EPHA6: variants seen among roughly 807,000 people sequenced by gnomAD.
EPHA6 encodes ephrin type-A receptor 6.
In EPHA6, 50 loss-of-function variants were observed where a neutral mutation model predicts 112.0. The observed-to-expected ratio is 0.45, with a 90% CI of 0.36 to 0.56. The LOEUF is 0.56. EPHA6 is among the 20% of genes least tolerant of loss of function. The pLI, the probability that EPHA6 is intolerant of heterozygous loss-of-function variation, is 0.00. For synonymous variants in EPHA6, 529 were observed against 490.7 expected (o/e 1.08, Z -1.03); for missense variants, 1,280 against 1,417.4 (o/e 0.90, Z 1.56).
intron 2 of EPHA6, among the ~76,000 whole-genome samples, chr3:96,929,170 T>C (rs1267770347): frequency 2.0e-5 from 3 of 152,144 alleles, no homozygotes; most frequent in Non-Finnish European, 2.9e-5. Flanking sequence ...GTGGTTAGAG[T>C]TTAGGGCACC....
In EPHA6 at chr3:97,748,757, C is replaced by G. The variant is rs1448200445; in HGVS notation, c.*56C>G. ...CAGCATTTCTAAAATGAACGATATCCTCTCTACTACTCTCTCTTCTGATTC... is the reference window on the plus strand; with the variant it reads ...CAGCATTTCTAAAATGAACGATATCGTCTCTACTACTCTCTCTTCTGATTC... On this transcript the variant is annotated 3_prime_UTR_variant, in exon 18 of 18. Transcript: ENST00000389672. The G allele has an allele frequency of 2.3e-5, 19 of 842,638 alleles. No homozygotes were observed. Among genetic ancestry groups the G allele is most frequent in the Non-Finnish European group, 3.8e-5 (19 of 496,068 alleles). 52.2% of individuals were successfully genotyped at this position (842,638 alleles called of 1,614,324 possible). A position where few individuals can be genotyped will look rare whatever the true frequency, so the allele number is the denominator to read the frequency against.
chr3:97,065,499 G>C (rs2046149511), intron 3 of EPHA6, among the ~76,000 whole-genome samples: 1 of 151,330 alleles, frequency 6.6e-6, no homozygotes, highest in South Asian at 2.1e-4. Flanking sequence ...GAACTCAAGG[G>C]GTTTGTGCAA....
rs113423092 is a variant in EPHA6 at position 97,463,921 on chromosome 3, C to G, written c.1895-11431C>G. ...TTGCAGATATCACATAAACCATGAGCTAGGTTAAGCAAAGAGGAATGAAGA... is the reference window on the plus strand; with the variant it reads ...TTGCAGATATCACATAAACCATGAGGTAGGTTAAGCAAAGAGGAATGAAGA... On this transcript the variant is annotated intron_variant, in intron 7 of 17. Coordinates refer to ENST00000389672, the MANE Select transcript of EPHA6 (RefSeq NM_001080448.3). Among the ~76,000 whole-genome samples the G allele has an allele frequency of 3.6e-3, 551 of 152,100 alleles. 4 individuals carry two copies. Among genetic ancestry groups the G allele is most frequent in the African/African-American group, 0.013 (525 of 41,482 alleles).
chr3:97,129,548 T>C (rs527747608), intron 3 of EPHA6, among the ~76,000 whole-genome samples: 110 of 149,598 alleles, frequency 7.4e-4, no homozygotes, highest in African/African-American at 2.5e-3. Flanking sequence ...AAAAGTACAG[T>C]GGTAAATTCG....
At chr3:97,280,375 T>C (rs1019228069) in intron 5 of EPHA6, among the ~76,000 whole-genome samples, 15 of 152,340 alleles carry the variant, frequency 9.8e-5, no homozygotes, top group Admixed American at 7.8e-4. Flanking sequence ...GCTCAAATAA[T>C]ATTATTATTG....
At chr3:97,375,848 T>A (rs1032429841) in intron 5 of EPHA6, among the ~76,000 whole-genome samples, 1 of 152,158 alleles carries the variant, frequency 6.6e-6, no homozygotes, top group African/African-American at 2.4e-5. Context: ...ACTCTATGAT[T>A]CATTTATATA....
At chr3:97,605,681 A>G (rs2093675629) in intron 12 of EPHA6, among the ~76,000 whole-genome samples, 1 of 151,396 alleles carries the variant, frequency 6.6e-6, no homozygotes, top group Admixed American at 6.6e-5. Context: ...TTGGGTAATG[A>G]TATACCTCCA....
intron 3 of EPHA6, among the ~76,000 whole-genome samples, chr3:97,082,173 G>A (rs2046742556): frequency 6.6e-6 from 1 of 151,706 alleles, no homozygotes; most frequent in African/African-American, 2.4e-5. Flanking sequence ...CATTTTTGTG[G>A]TAAGAACACT....
At chr3:96,841,369 A>G (rs1158536940) in intron 1 of EPHA6, among the ~76,000 whole-genome samples, 4 of 152,054 alleles carry the variant, frequency 2.6e-5, no homozygotes, top group Admixed American at 6.6e-5. Context: ...CCTTTAACTT[A>G]GTGGTATTGG....
At position 97,754,117 on chromosome 3, in the gene EPHA6, T is replaced by A. The variant is rs1370900618; in HGVS notation, c.*5416T>A. 6.8e-6 allele frequency among the ~76,000 whole-genome samples: 1 copy of A among 146,092 alleles called. No individual in the cohort carries two copies. The highest frequency in any genetic ancestry group is 1.5e-5 in the Non-Finnish European group (1 of 66,696). ...TTTTTTTTTTTTTTGAGATGGAGTT[T>A]CCCTCTTGTTGCCCAGGCTGGAGTG... On this transcript the variant is annotated 3_prime_UTR_variant, in exon 18 of 18. Coordinates refer to ENST00000389672, the MANE Select transcript of EPHA6 (RefSeq NM_001080448.3).
chr3:97,460,392 A>G (rs1255155622), intron 7 of EPHA6, among the ~76,000 whole-genome samples: 1 of 152,214 alleles, frequency 6.6e-6, no homozygotes, highest in Admixed American at 6.5e-5. Context: ...AGAGTCATTC[A>G]TTCAAAAATA....
intron 7 of EPHA6, 22 bp downstream of exon 7, chr3:97,448,752 A>G: frequency 6.2e-7 from 1 of 1,611,326 alleles, no homozygotes; most frequent in South Asian, 1.1e-5. Flanking sequence ...ACAAGGATAT[A>G]ACATAAGATG....
intron 8 of EPHA6, among the ~76,000 whole-genome samples, chr3:97,476,426 C>T (rs753425973): frequency 6.6e-6 from 1 of 152,024 alleles, no homozygotes; most frequent in African/African-American, 2.4e-5. Context: ...GTACACCAAC[C>T]CTGCCAGAAA....
chr3:97,406,861 C>T (rs977837386), intron 6 of EPHA6, among the ~76,000 whole-genome samples: 1 of 152,118 alleles, frequency 6.6e-6, no homozygotes, highest in African/African-American at 2.4e-5. Context: ...TCAAATGTTA[C>T]AGCCTATAGC....
chr3:97,254,250 G>A (rs1034386526), intron 5 of EPHA6, among the ~76,000 whole-genome samples: 14 of 152,032 alleles, frequency 9.2e-5, no homozygotes, highest in South Asian at 2.1e-4. Context: ...GTGCAGTGGC[G>A]CGATCTCGGC....
chr3:97,246,139 T>A (rs1330305070), intron 5 of EPHA6, among the ~76,000 whole-genome samples: 1 of 151,988 alleles, frequency 6.6e-6, no homozygotes, highest in Non-Finnish European at 1.5e-5. Context: ...GTCAAATATA[T>A]CTTAAATATA....
intron 3 of EPHA6, among the ~76,000 whole-genome samples, chr3:97,054,682 A>G (rs2045796717): frequency 6.6e-6 from 1 of 150,742 alleles, no homozygotes; most frequent in African/African-American, 2.4e-5. Flanking sequence ...CAATAATAAG[A>G]AAGAAATATT....
chr3:97,192,976 C>G (rs2077347693), intron 3 of EPHA6, among the ~76,000 whole-genome samples: 1 of 152,070 alleles, frequency 6.6e-6, no homozygotes, highest in Non-Finnish European at 1.5e-5. Context: ...TCTGGGTTCT[C>G]TATTCTGTTC....
chr3:97,670,166 A>G (rs1357745345), intron 14 of EPHA6, among the ~76,000 whole-genome samples: 1 of 152,210 alleles, frequency 6.6e-6, no homozygotes, highest in African/African-American at 2.4e-5. Flanking sequence ...CTGGGAAATA[A>G]AAGACCTCAA....
Sources: allele counts gnomAD v4.1 joint callset (sites outside exome capture counted in the v4.1 genomes callset), GRCh38; gene constraint gnomAD v4.1.1; transcripts MANE v1.5; gene names NCBI Gene and HGNC (gene_info 2026-07-23, HGNC 2026-07-21).